Variants in CLTC observed in about 807,000 individuals in gnomAD.
The protein encoded by CLTC is clathrin heavy chain 1.
CLTC carries 16 observed loss-of-function variants against 195.8 expected under a neutral mutation model. The observed-to-expected ratio is 0.08, with a 90% confidence interval of 0.06 to 0.12. The LOEUF is 0.12. Ranked by LOEUF, CLTC falls within the 10% of genes least tolerant of loss-of-function variation. The pLI is 1.00. For missense variants in CLTC, 796 were observed against 2,027.0 expected (o/e 0.39, Z 11.66); for synonymous variants, 667 against 689.4 (o/e 0.97, Z 0.51).
chr17:59,694,076 G>T lies in CLTC; in HGVS notation c.*224G>T. ...ATTTTCGAAGGGGAATAGTTTCAAT[G>T]TTTTATTCACTTGGGCTTTTTTTCT... On this transcript the variant is annotated 3_prime_UTR_variant, in exon 32 of 32. Coordinates refer to ENST00000269122, the MANE Select transcript of CLTC (RefSeq NM_004859.4). The T allele has an allele frequency of 2.8e-6, 1 of 362,918 alleles. No individual in the cohort carries two copies. The highest frequency in any genetic ancestry group is 2.1e-5 in the African/African-American group (1 of 47,640). 22.5% of individuals were successfully genotyped at this position (362,918 alleles called of 1,614,324 possible).
At chr17:59,629,780 A>G (rs957212744) in intron 1 of CLTC, among the ~76,000 whole-genome samples, 2 of 152,044 alleles carry the variant, frequency 1.3e-5, no homozygotes, top group Non-Finnish European at 2.9e-5. Flanking sequence ...TGGCCTCCCA[A>G]AGTGCTGGGA....
At position 59,683,554 on chromosome 17, in the gene CLTC, A is replaced by G; in HGVS notation, c.4191+18A>G. 6.2e-7 allele frequency: 1 copy of G among 1,613,180 alleles called. No homozygotes were observed. The highest frequency in any genetic ancestry group is 8.5e-7 in the Non-Finnish European group (1 of 1,179,502). ...TTACCAAGGTGTGTACTTTCTTCAG[A>G]AGATAAAGGATTCAGAAGGAGAAAG... On this transcript the variant is annotated intron_variant, in intron 26 of 31. Coordinates refer to ENST00000269122, the MANE Select transcript of CLTC (RefSeq NM_004859.4). The surrounding 1 kb of genome is among the most constrained non-coding windows in gnomAD (Gnocchi z 6.1).
chr17:59,631,709 G>A (rs574529703), intron 1 of CLTC, among the ~76,000 whole-genome samples: 8 of 152,266 alleles, frequency 5.3e-5, no homozygotes, highest in Admixed American at 1.3e-4. Context: ...AGTGGCTCAC[G>A]CCTGTAACCC....
intron 8 of CLTC, 93 bp downstream of exon 8, chr17:59,661,736 C>A: frequency 2.0e-6 from 2 of 1,003,656 alleles, no homozygotes; most frequent in Non-Finnish European, 3.1e-6. Context: ...ACAATGTCTC[C>A]ATTACTGCTG....
intron 31 of CLTC, among the ~76,000 whole-genome samples, chr17:59,691,713 T>G (rs1262961267): frequency 6.7e-6 from 1 of 150,322 alleles, no homozygotes; most frequent in Non-Finnish European, 1.5e-5. Flanking sequence ...TATACACTTA[T>G]TATGGTTTTG....
intron 18 of CLTC, among the ~76,000 whole-genome samples, chr17:59,680,523 G>T (rs1239817855): frequency 1.3e-5 from 2 of 152,170 alleles, no homozygotes; most frequent in Non-Finnish European, 2.9e-5. Flanking sequence ...GGGGAAGGTT[G>T]TGGGGGTGGG....
Position 59,685,818 on chromosome 17 carries a change from C to CAGA in CLTC, c.4827+10_4827+11insAGA. 1 of 1,587,262 alleles carries CAGA rather than the reference C, an allele frequency of 6.3e-7. No homozygotes were observed. Among genetic ancestry groups the CAGA allele is most frequent in the Non-Finnish European group, 8.6e-7 (1 of 1,161,400 alleles). On this transcript the variant is annotated intron_variant, in intron 30 of 31. Transcript: ENST00000269122. This position sits in a 1 kb window ranked among gnomAD's most constrained non-coding sequence, Gnocchi z 5.0. Reference sequence around the variant, plus strand: ...GGAGTACTTGACAAAGGTAATGACTCTTCTAAGTGTATTCAGAACTAGTTT... The same window carrying CAGA: ...GGAGTACTTGACAAAGGTAATGACTCAGATTCTAAGTGTATTCAGAACTAGTTT...
rs574521703 is a variant in CLTC, at chr17:59,662,920, A to G, written c.1369-922A>G. On this transcript the variant is annotated intron_variant, in intron 8 of 31. Coordinates refer to ENST00000269122, the MANE Select transcript of CLTC (RefSeq NM_004859.4). ...CGAGACCTTATTAAATAAATACACA[A>G]TATTTTTTAAAAAGATAAGGGAGGG... 8.5e-5 allele frequency among the ~76,000 whole-genome samples: 13 copies of G among 152,310 alleles called. No individual in the cohort carries two copies. In the Middle Eastern group the frequency reaches 0.01, roughly 120 times the overall value.
At position 59,679,514 on chromosome 17, in the gene CLTC, G is replaced by T; in HGVS notation, c.2914G>T (p.Asp972Tyr). 2 of 1,588,498 alleles carry T rather than the reference G, an allele frequency of 1.3e-6. No homozygotes were observed. The highest frequency in any genetic ancestry group is 2.3e-5 in the South Asian group (2 of 85,658). ...ESNPYRRPLI[D>Y]QVVQTALSET... ...CAATCCTTACAGGAGACCCCTAATT[G>T]ACCAGGTAACATTGGCAAATGTGTT... Residue 972 changes from aspartate to tyrosine, a missense_variant, in exon 18 of 32, where the codon GAC becomes TAC. Transcript: ENST00000269122.
At position 59,682,162 on chromosome 17, in the gene CLTC, A is replaced by C. The variant is rs549840318; in HGVS notation, c.3443-109A>C. The C allele has an allele frequency of 2.2e-4, 227 of 1,024,232 alleles. No homozygotes were observed. Among genetic ancestry groups the C allele is most frequent in the Non-Finnish European group, 3.1e-4 (213 of 695,188 alleles). The allele number at this position is 1,024,232 out of a possible 1,614,324, so 63.4% of individuals were successfully genotyped here. A position where few individuals can be genotyped will look rare whatever the true frequency, so the allele number is the denominator to read the frequency against. ...AAATATTGCACGGTTTACATTTGTC[A>C]TTATCCATGTTTCCTTGAAAAGGAA... On this transcript the variant is annotated intron_variant, in intron 21 of 31. Coordinates refer to ENST00000269122, the MANE Select transcript of CLTC (RefSeq NM_004859.4). The surrounding 1 kb of genome is among the most constrained non-coding windows in gnomAD (Gnocchi z 6.8).
In CLTC at chr17:59,683,174, C is replaced by G; in HGVS notation, c.3953C>G (p.Thr1318Ser). Residue 1318 changes from threonine to serine, a missense_variant, in exon 25 of 32, where the codon ACT becomes AGT. By Grantham distance (58) the Thr-to-Ser change is moderately conservative. Transcript: ENST00000269122. The surrounding 1 kb of genome is among the most constrained non-coding windows in gnomAD (Gnocchi z 6.1). The part of the protein sequence containing the change: ...GLERAHMGMF[T>S]ELAILYSKFK... ...GAGCGAGCTCACATGGGAATGTTTA[C>G]TGAATTAGCTATTCTATACTCTAAA... The G allele has an allele frequency of 2.5e-6, 4 of 1,614,140 alleles. No homozygotes were observed. The highest frequency in any genetic ancestry group is 3.4e-6 in the Non-Finnish European group (4 of 1,180,000).
At chr17:59,665,464 G>A (rs978011551) in intron 10 of CLTC, among the ~76,000 whole-genome samples, 2 of 152,178 alleles carry the variant, frequency 1.3e-5, no homozygotes, top group African/African-American at 4.8e-5. Flanking sequence ...CTGGGTGTGG[G>A]GAGAGGGAAG....
At chr17:59,625,714 A>C (rs563106804) in intron 1 of CLTC, among the ~76,000 whole-genome samples, 20 of 152,230 alleles carry the variant, frequency 1.3e-4, no homozygotes, top group Admixed American at 8.5e-4. Context: ...GATCCCAAAC[A>C]TACTTAAGTT....
intron 13 of CLTC, 86 bp downstream of exon 13, chr17:59,667,063 G>T (rs1301683017): frequency 1.7e-6 from 2 of 1,148,552 alleles, no homozygotes; most frequent in Non-Finnish European, 1.2e-6. Context: ...TGGAAATTTT[G>T]TTTTTCTAAA....
intron 2 of CLTC, among the ~76,000 whole-genome samples, chr17:59,645,088 TATCTCTC>T (rs1220527547): frequency 2.0e-5 from 3 of 152,236 alleles, no homozygotes; most frequent in Admixed American, 6.5e-5. Context: ...GTGCTAAACA[TATCTCTC>T]TACAGAGGAA....
chr17:59,682,226 T>C lies in CLTC; in HGVS notation c.3443-45T>C, dbSNP rs2033094993. On this transcript the variant is annotated intron_variant, in intron 21 of 31. Transcript: ENST00000269122. This position sits in a 1 kb window ranked among gnomAD's most constrained non-coding sequence, Gnocchi z 6.8. Reference sequence around the variant, plus strand: ...TCATTTACTTGGGTGAAAGATAAACTAGGATGTTAGTGTTTGGATATATTT... The same window carrying C: ...TCATTTACTTGGGTGAAAGATAAACCAGGATGTTAGTGTTTGGATATATTT... The C allele has an allele frequency of 6.5e-7, 1 of 1,544,958 alleles. No homozygotes were observed. Among genetic ancestry groups the C allele is most frequent in the Non-Finnish European group, 8.8e-7 (1 of 1,131,898 alleles).
chr17:59,684,025 TAA>T, intron 28 of CLTC, 40 bp downstream of exon 28: 1 of 975,238 alleles, frequency 1.0e-6, no homozygotes. Flanking sequence ...TCAAGACTCA[TAA>T]AGTTATGTTT....
chr17:59,674,140 G>A (rs1019639188), intron 15 of CLTC, among the ~76,000 whole-genome samples: 2 of 151,744 alleles, frequency 1.3e-5, no homozygotes, highest in Admixed American at 1.3e-4. Context: ...GCCGACTCAG[G>A]GAAGGGGGAA....
At position 59,673,733 on chromosome 17, in the gene CLTC, A is replaced by G; in HGVS notation, c.2379A>G (p.Arg793=). 6.9e-7 allele frequency: 1 copy of G among 1,442,820 alleles called. No individual in the cohort carries two copies. The highest frequency in any genetic ancestry group is 1.8e-4 in the Middle Eastern group (1 of 5,702). The allele number at this position is 1,442,820 out of a possible 1,614,324, so 89.4% of individuals were successfully genotyped here. ...ATGATTTGGTGCTCTATTTATATAG[A>G]AATAATCTTCAAAAGTATATAGAGA... ...FVHDLVLYLY[R]NNLQKYIEIY... Residue 793 remains arginine, a synonymous_variant, in exon 15 of 32, where the codon AGA becomes AGG. Transcript: ENST00000269122.
Sources: allele counts gnomAD v4.1 joint callset (sites outside exome capture counted in the v4.1 genomes callset), GRCh38; gene constraint gnomAD v4.1.1; non-coding constraint Gnocchi (gnomAD v3.1); transcripts MANE v1.5; gene names NCBI Gene and HGNC (gene_info 2026-07-23, HGNC 2026-07-21).